Variants in SWT1 observed in about 807,000 individuals in gnomAD.
SWT1 encodes SWT1 RNA endoribonuclease homolog.
Under a neutral mutation model 107.3 loss-of-function variants are expected in SWT1, and 33 were observed. The observed-to-expected ratio is 0.31, with a 90% CI of 0.23 to 0.41. The LOEUF (loss-of-function observed/expected upper bound fraction) is 0.41. Among genes scored for constraint, SWT1 ranks in the 10% least tolerant of loss-of-function variants. The pLI is 1.00. For missense variants in SWT1, 898 were observed against 1,028.9 expected (o/e 0.87, Z 1.74); for synonymous variants, 345 against 348.3 (o/e 0.99, Z 0.11).
intron 16 of SWT1, among the ~76,000 whole-genome samples, chr1:185,235,946 T>A (rs1356147605): frequency 1.3e-5 from 2 of 152,204 alleles, no homozygotes; most frequent in Non-Finnish European, 2.9e-5. Context: ...CCATTCACAA[T>A]TGCTACAAAG....
intron 16 of SWT1, among the ~76,000 whole-genome samples, chr1:185,243,580 A>G (rs1414826475): frequency 6.6e-6 from 1 of 152,214 alleles, no homozygotes; most frequent in African/African-American, 2.4e-5. Context: ...TTTTCCACAT[A>G]GATGGTACTC....
chr1:185,249,786 T>C (rs1661876212), intron 16 of SWT1, among the ~76,000 whole-genome samples: 1 of 152,206 alleles, frequency 6.6e-6, no homozygotes, highest in Admixed American at 6.5e-5. Context: ...CTGGGAATTA[T>C]TCACCACTGT....
At chr1:185,289,836 G>A (rs1194071141) in intron 18 of SWT1, among the ~76,000 whole-genome samples, 1 of 152,164 alleles carries the variant, frequency 6.6e-6, no homozygotes, top group Non-Finnish European at 1.5e-5. Flanking sequence ...CCAGGGGCTA[G>A]GAGGATGGGG....
At chr1:185,222,904 A>G (rs1463284214) in intron 15 of SWT1, among the ~76,000 whole-genome samples, 1 of 152,010 alleles carries the variant, frequency 6.6e-6, no homozygotes, top group Non-Finnish European at 1.5e-5. Flanking sequence ...GTAACTTTGT[A>G]CATGTTGACC....
chr1:185,265,708 T>C (rs1473329518), intron 16 of SWT1, among the ~76,000 whole-genome samples: 1 of 152,226 alleles, frequency 6.6e-6, no homozygotes, highest in African/African-American at 2.4e-5. Flanking sequence ...TATTAAGCTA[T>C]AGAGATCAAA....
chr1:185,223,133 T>C (rs1659798245), intron 15 of SWT1, among the ~76,000 whole-genome samples: 1 of 152,206 alleles, frequency 6.6e-6, no homozygotes, highest in Non-Finnish European at 1.5e-5. Context: ...TGTACTATTT[T>C]ACATAATGGC....
chr1:185,282,858 T>C (rs1433229836), intron 18 of SWT1, among the ~76,000 whole-genome samples: 1 of 151,698 alleles, frequency 6.6e-6, no homozygotes, highest in African/African-American at 2.4e-5. Flanking sequence ...TATATGAGAG[T>C]ATAGTAGGAA....
intron 16 of SWT1, among the ~76,000 whole-genome samples, chr1:185,257,345 C>G (rs1210290443): frequency 6.6e-6 from 1 of 152,288 alleles, no homozygotes; most frequent in East Asian, 1.9e-4. Context: ...TTTACCTAAG[C>G]AAGCCTGGGC....
intron 5 of SWT1, 102 bp downstream of exon 5, chr1:185,175,215 T>TTG (rs1553251850): frequency 7.1e-4 from 681 of 953,286 alleles, no homozygotes; most frequent in East Asian, 1.9e-3. Flanking sequence ...TTTTTTTTTT[T>TTG]TTGTTGTTGT....
At chr1:185,259,106 TTA>T (rs1469803569) in intron 16 of SWT1, among the ~76,000 whole-genome samples, 13 of 152,260 alleles carry the variant, frequency 8.5e-5, no homozygotes, top group Admixed American at 4.6e-4. Context: ...CATAATACCT[TTA>T]TGTTACTTTA....
intron 15 of SWT1, chr1:185,227,419 T>C: frequency 1.5e-6 from 1 of 662,010 alleles, no homozygotes. Context: ...GCAGCATAAT[T>C]TTTCAGGCCA....
chr1:185,195,330 A>G (rs1221251062), intron 10 of SWT1, among the ~76,000 whole-genome samples: 1 of 152,152 alleles, frequency 6.6e-6, no homozygotes, highest in Admixed American at 6.5e-5. Context: ...ACATGAACTC[A>G]TCTTTTTTTA....
chr1:185,169,528 C>T (rs147012011), intron 4 of SWT1, among the ~76,000 whole-genome samples: 8 of 152,152 alleles, frequency 5.3e-5, no homozygotes, highest in South Asian at 2.1e-4. Context: ...TTTGGAAAGG[C>T]GGTTACAGTG....
At chr1:185,160,975 C>A in intron 2 of SWT1, 50 bp downstream of exon 2, 2 of 1,386,024 alleles carry the variant, frequency 1.4e-6, no homozygotes, top group Middle Eastern at 1.8e-4. Flanking sequence ...TTTATTTTTG[C>A]TTAATGAAAA....
chr1:185,230,038 T>C (rs1278576041), intron 15 of SWT1, among the ~76,000 whole-genome samples: 2 of 152,204 alleles, frequency 1.3e-5, no homozygotes, highest in Non-Finnish European at 2.9e-5. Flanking sequence ...GTGAATGTAC[T>C]AAATGCCACT....
rs572736800 is a variant in SWT1 at position 185,286,734 on chromosome 1, A to C, written c.2574-3940A>C. Among the ~76,000 whole-genome samples the C allele has an allele frequency of 7.2e-5, 11 of 152,304 alleles. No individual in the cohort carries two copies. The East Asian group carries it at 1.9e-3, about 27-fold the overall frequency. On this transcript the variant is annotated intron_variant, in intron 18 of 18. Coordinates refer to ENST00000367500, the MANE Select transcript of SWT1 (RefSeq NM_017673.7). ...TTATTTTGTGACTTCTTTAGGATCT[A>C]CAAATAGAAATTATTCTGTTTCTTT...
At chr1:185,204,450 G>A (rs569148583) in intron 11 of SWT1, among the ~76,000 whole-genome samples, 3 of 151,938 alleles carry the variant, frequency 2.0e-5, no homozygotes, top group Non-Finnish European at 4.4e-5. Context: ...TTTTATTTGA[G>A]TAAAAATATT....
chr1:185,200,105 A>G (rs765613064), intron 10 of SWT1, among the ~76,000 whole-genome samples: 1 of 151,778 alleles, frequency 6.6e-6, no homozygotes, highest in South Asian at 2.1e-4. Flanking sequence ...TAGGTCATTT[A>G]TCTTTTTCTC....
At chr1:185,236,810 A>G (rs1251865453) in intron 16 of SWT1, among the ~76,000 whole-genome samples, 1 of 152,280 alleles carries the variant, frequency 6.6e-6, no homozygotes. Context: ...TTTGCAATCT[A>G]TCCATCTGAC....
Sources: gnomAD v4.1 joint callset for allele counts (sites outside exome capture counted in the v4.1 genomes callset) on GRCh38, gnomAD v4.1.1 for gene constraint, MANE v1.5 for transcripts, NCBI Gene and HGNC (gene_info 2026-07-23, HGNC 2026-07-21) for gene names.